The following ATP8B1 variants were observed in gnomAD, a reference collection of about 807,000 sequenced individuals.
ATP8B1 encodes the protein phospholipid-transporting ATPase IC.
A neutral mutation model predicts 149.9 loss-of-function variants in ATP8B1; 80 were observed. The ratio of observed to expected loss-of-function variants is 0.53; its 90% CI spans 0.45 to 0.64. The LOEUF (loss-of-function observed/expected upper bound fraction) is 0.64, where lower values mean the gene tolerates loss of function less well. Among genes scored for constraint, ATP8B1 ranks in the 30% least tolerant of loss-of-function variants. The pLI is 0.00. For synonymous variants in ATP8B1, 536 were observed against 562.8 expected (o/e 0.95, Z 0.67); for missense variants, 1,247 against 1,552.6 (o/e 0.80, Z 3.31).
chr18:57,656,196 C>T (rs940524902), intron 22 of ATP8B1, among the ~76,000 whole-genome samples: 1 of 152,030 alleles, frequency 6.6e-6, no homozygotes, highest in Non-Finnish European at 1.5e-5. Flanking sequence ...AGTACCTAGT[C>T]CCCTGTATGA....
At chr18:57,786,987 T>G (rs2080416649) in intron 1 of ATP8B1, among the ~76,000 whole-genome samples, 1 of 152,150 alleles carries the variant, frequency 6.6e-6, no homozygotes, top group Non-Finnish European at 1.5e-5. Context: ...CCCTAACAAC[T>G]TAGAGCTTAG....
chr18:57,704,524 C>A, intron 4 of ATP8B1, 31 bp downstream of exon 4: 1 of 1,393,174 alleles, frequency 7.2e-7, no homozygotes, highest in South Asian at 1.2e-5. Context: ...CACTATAATT[C>A]AAACAGATTT....
chr18:57,710,625 A>C (rs2123001522), intron 2 of ATP8B1, among the ~76,000 whole-genome samples: 1 of 152,324 alleles, frequency 6.6e-6, no homozygotes, highest in South Asian at 2.1e-4. Flanking sequence ...AGAATGGCTA[A>C]AGGACATGAA....
chr18:57,787,729 A>G (rs1358814862), intron 1 of ATP8B1, among the ~76,000 whole-genome samples: 1 of 152,226 alleles, frequency 6.6e-6, no homozygotes, highest in South Asian at 2.1e-4. Flanking sequence ...AAGTTTGTCA[A>G]ACCTCAGGGG....
chr18:57,697,779 GA>G lies in ATP8B1; in HGVS notation c.627+15del. 3 of 1,613,222 alleles carry G rather than the reference GA, an allele frequency of 1.9e-6. No individual in the cohort carries two copies. The highest frequency in any genetic ancestry group is 2.5e-6 in the Non-Finnish European group (3 of 1,179,350). On this transcript the variant is annotated intron_variant, in intron 7 of 27. Coordinates refer to ENST00000648908, the MANE Select transcript of ATP8B1 (RefSeq NM_001374385.1). ...GGGAGAACAAGGAACAAGAGAAGCA[GA>G]ATTTGTTCACTTACTGGAACAAAAT...
intron 27 of ATP8B1, among the ~76,000 whole-genome samples, chr18:57,649,345 T>A (rs1217182826): frequency 1.3e-5 from 2 of 152,078 alleles, no homozygotes; most frequent in Non-Finnish European, 2.9e-5. Flanking sequence ...AAGGGAAGGT[T>A]ATTTAACTTT....
At chr18:57,713,157 C>CTCTTTCTTTCTTTCTTTCTTTCTTTCTT (rs760611716) in intron 2 of ATP8B1, among the ~76,000 whole-genome samples, 14 of 92,100 alleles carry the variant, frequency 1.5e-4, no homozygotes, top group South Asian at 4.6e-4. Flanking sequence ...CTTGATCTTT[C>CTCTTTCTTTCTTTCTTTCTTTCTTTCTT]TCTTTCTTTC....
Position 57,647,875 on chromosome 18 carries a change from TAG to T in ATP8B1, c.*611_*612del, listed in dbSNP as rs1442690288. ...TTCCAGCTAATTTTTGTATTTTTAG[TAG>T]AGATGGGGTTTCACCATGTTGGCCG... On this transcript the variant is annotated 3_prime_UTR_variant, in exon 28 of 28. Coordinates refer to ENST00000648908, the MANE Select transcript of ATP8B1 (RefSeq NM_001374385.1). The T allele has an allele frequency of 1.2e-5, 2 of 160,248 alleles. No homozygotes were observed. Among genetic ancestry groups the T allele is most frequent in the Non-Finnish European group, 1.4e-5 (1 of 73,176 alleles). 9.9% of individuals were successfully genotyped at this position (160,248 alleles called of 1,614,324 possible).
intron 2 of ATP8B1, among the ~76,000 whole-genome samples, chr18:57,730,670 C>G (rs1392052948): frequency 6.6e-6 from 1 of 152,158 alleles, no homozygotes; most frequent in South Asian, 2.1e-4. Context: ...GTCACTTACA[C>G]TCAACATTGG....
chr18:57,755,641 G>A (rs2080069863), intron 1 of ATP8B1: 1 of 152,178 alleles, frequency 6.6e-6, no homozygotes, highest in Admixed American at 6.5e-5. Context: ...CCAGGCTCTG[G>A]TCAGCTGCCT....
At chr18:57,717,810 A>G (rs2079598515) in intron 2 of ATP8B1, among the ~76,000 whole-genome samples, 1 of 151,158 alleles carries the variant, frequency 6.6e-6, no homozygotes, top group Non-Finnish European at 1.5e-5. Flanking sequence ...ATCTTGGCTC[A>G]CTGCAACCTC....
At chr18:57,654,205 C>G in intron 23 of ATP8B1, 130 bp from the exon 24 acceptor site, 1 of 858,736 alleles carries the variant, frequency 1.2e-6, no homozygotes, top group East Asian at 2.7e-5. Flanking sequence ...GGGGGTCTTG[C>G]TATGTTGCCT....
At chr18:57,708,976 A>G (rs1322777160) in intron 2 of ATP8B1, among the ~76,000 whole-genome samples, 1 of 152,126 alleles carries the variant, frequency 6.6e-6, no homozygotes, top group African/African-American at 2.4e-5. Context: ...TGATCTCTTA[A>G]TTTTACACTT....
At position 57,680,277 on chromosome 18, in the gene ATP8B1, C is replaced by CAAAAAAAAAAAAA. The variant is rs71171066; in HGVS notation, c.1630+3746_1630+3758dup. Among the ~76,000 whole-genome samples, 89 of 40,454 alleles carry CAAAAAAAAAAAAA rather than the reference C, an allele frequency of 2.2e-3. 6 individuals are homozygous for CAAAAAAAAAAAAA. Among genetic ancestry groups the CAAAAAAAAAAAAA allele is most frequent in the Admixed American group, 3.9e-3 (8 of 2,058 alleles). 26.5% of individuals were successfully genotyped at this position (40,454 alleles called of 152,430 possible). On this transcript the variant is annotated intron_variant, in intron 15 of 27. Coordinates refer to ENST00000648908, the MANE Select transcript of ATP8B1 (RefSeq NM_001374385.1). ...GGGCAACAGGAGCGAGACTCAGTCTCAAAAAAAAAAAAAAAAAAAAAAAAA... is the reference window on the plus strand; with the variant it reads ...GGGCAACAGGAGCGAGACTCAGTCTCAAAAAAAAAAAAAAAAAAAAAAAAAAAAAAAAAAAAAA...
chr18:57,748,574 C>T (rs923439343), intron 1 of ATP8B1, among the ~76,000 whole-genome samples: 1 of 152,154 alleles, frequency 6.6e-6, no homozygotes, highest in Non-Finnish European at 1.5e-5. Context: ...GCTTTAACAT[C>T]GGAGAGGGCC....
At chr18:57,696,824 T>C (rs1405642393) in intron 8 of ATP8B1, among the ~76,000 whole-genome samples, 5 of 152,092 alleles carry the variant, frequency 3.3e-5, no homozygotes, top group African/African-American at 1.2e-4. Flanking sequence ...GAGGATTAAA[T>C]GAGCTAATAT....
chr18:57,685,921 ACT>A (rs1042407352), intron 13 of ATP8B1, among the ~76,000 whole-genome samples: 4 of 149,806 alleles, frequency 2.7e-5, no homozygotes, highest in African/African-American at 7.4e-5. Flanking sequence ...ACAGAGTGAG[ACT>A]CTGTCTCAAA....
chr18:57,661,456 T>C lies in ATP8B1; in HGVS notation c.2425A>G (p.Ile809Val). 3 of 1,613,376 alleles carry C rather than the reference T, an allele frequency of 1.9e-6. No homozygotes were observed. Among genetic ancestry groups the C allele is most frequent in the Non-Finnish European group, 2.5e-6 (3 of 1,179,662 alleles). ...CTCTTGGTCTTTTTCTCGAGAAGAA[T>C]TTCATTCTGTGAAATCAGAGAGGGA... Reference protein sequence around the residue: ...LIITGSWLNEILLEKKTKRNK... With the variant: ...LIITGSWLNEVLLEKKTKRNK... The change falls in exon 22 of 28, where the codon ATT becomes GTT. Residue 809 changes from isoleucine (I) to valine (V), a missense_variant. Coordinates refer to ENST00000648908, the MANE Select transcript of ATP8B1 (RefSeq NM_001374385.1).
At chr18:57,788,301 C>T (rs190993331) in intron 1 of ATP8B1, among the ~76,000 whole-genome samples, 3 of 152,212 alleles carry the variant, frequency 2.0e-5, no homozygotes, top group East Asian at 3.9e-4. Flanking sequence ...CATGGTGGCT[C>T]CCAGCACTTT....
Sources: allele counts gnomAD v4.1 joint callset (sites outside exome capture counted in the v4.1 genomes callset), GRCh38; gene constraint gnomAD v4.1.1; transcripts MANE v1.5; gene names NCBI Gene and HGNC (gene_info 2026-07-23, HGNC 2026-07-21).